The following KDM4C variants were observed in gnomAD, a reference collection of about 807,000 sequenced individuals.
The protein encoded by KDM4C is lysine demethylase 4C.
Under a neutral mutation model 129.3 loss-of-function variants are expected in KDM4C, and 81 were observed. The observed-to-expected ratio is 0.63, with a 90% CI of 0.52 to 0.75. The LOEUF (loss-of-function observed/expected upper bound fraction) is 0.75. Among genes scored for constraint, KDM4C ranks in the 30% least tolerant of loss-of-function variants. KDM4C has a pLI of 0.00. For missense variants in KDM4C, 1,457 were observed against 1,304.0 expected, an observed-to-expected ratio of 1.12 and a Z score of -1.81; for synonymous variants, 573 against 456.1, an observed-to-expected ratio of 1.26 and a Z score of -3.26.
chr9:6,921,838 T>C (rs1821576498), intron 8 of KDM4C, among the ~76,000 whole-genome samples: 1 of 151,950 alleles, frequency 6.6e-6, no homozygotes, highest in African/African-American at 2.4e-5. Flanking sequence ...CCTTGCCCAC[T>C]CTGTACCAAC....
intron 17 of KDM4C, among the ~76,000 whole-genome samples, chr9:7,064,660 A>C (rs1440000395): frequency 6.6e-6 from 1 of 152,174 alleles, no homozygotes; most frequent in Non-Finnish European, 1.5e-5. Context: ...GGAAGTATAT[A>C]TTGGACTTTC....
chr9:6,799,676 A>G (rs1828556070), intron 2 of KDM4C, among the ~76,000 whole-genome samples: 5 of 148,046 alleles, frequency 3.4e-5, no homozygotes, highest in Admixed American at 3.4e-4. Flanking sequence ...ACAGAAAAAC[A>G]TTTAATTCTA....
chr9:6,899,929 G>A (rs913610480), intron 8 of KDM4C, among the ~76,000 whole-genome samples: 2 of 152,154 alleles, frequency 1.3e-5, no homozygotes, highest in Non-Finnish European at 2.9e-5. Flanking sequence ...TGAGTCTATA[G>A]TTTGTCAGTA....
chr9:6,800,516 G>C (rs940053588), intron 2 of KDM4C, among the ~76,000 whole-genome samples: 7 of 152,026 alleles, frequency 4.6e-5, no homozygotes, highest in Admixed American at 4.6e-4. Context: ...TCAAGCCTGG[G>C]CAACAGAGTC....
intron 1 of KDM4C, among the ~76,000 whole-genome samples, chr9:6,746,685 G>T (rs537437678): frequency 6.8e-6 from 1 of 148,120 alleles, no homozygotes; most frequent in South Asian, 2.1e-4. Context: ...TTCCAGACTA[G>T]CCTGGGCAAC....
chr9:7,079,712 A>G (rs1287389829), intron 17 of KDM4C, among the ~76,000 whole-genome samples: 4 of 152,200 alleles, frequency 2.6e-5, no homozygotes, highest in South Asian at 2.1e-4. Flanking sequence ...CTGTGATTCT[A>G]TGTGTTTTGT....
chr9:7,118,156 GT>G (rs1191923989), intron 18 of KDM4C, among the ~76,000 whole-genome samples: 2 of 152,202 alleles, frequency 1.3e-5, no homozygotes, highest in African/African-American at 4.8e-5. Flanking sequence ...GCAGCCTGTT[GT>G]TTGTGCTTCT....
intron 8 of KDM4C, among the ~76,000 whole-genome samples, chr9:6,961,989 C>A (rs1174270939): frequency 6.6e-6 from 1 of 152,128 alleles, no homozygotes; most frequent in Non-Finnish European, 1.5e-5. Flanking sequence ...AAATCAGCTA[C>A]TGGGTCGGTT....
At chr9:6,908,064 T>C (rs1054048663) in intron 8 of KDM4C, among the ~76,000 whole-genome samples, 1 of 152,184 alleles carries the variant, frequency 6.6e-6, no homozygotes, top group African/African-American at 2.4e-5. Context: ...TTAGAAGATA[T>C]TTATTGGTTA....
intron 4 of KDM4C, among the ~76,000 whole-genome samples, chr9:6,847,645 C>T (rs1268457188): frequency 6.6e-6 from 1 of 152,194 alleles, no homozygotes; most frequent in Non-Finnish European, 1.5e-5. Context: ...CCGCCTCGGC[C>T]TCCCAAAGTG....
At chr9:6,741,183 G>A (rs1447198845) in intron 1 of KDM4C, among the ~76,000 whole-genome samples, 4 of 151,820 alleles carry the variant, frequency 2.6e-5, no homozygotes, top group African/African-American at 9.7e-5. Flanking sequence ...AGATCATGAG[G>A]TCAGGAGAAT....
At chr9:6,799,157 C>T (rs559199398) in intron 2 of KDM4C, among the ~76,000 whole-genome samples, 3 of 152,046 alleles carry the variant, frequency 2.0e-5, no homozygotes, top group African/African-American at 7.2e-5. Context: ...ACTTCCCAGA[C>T]GGGGTGGCGG....
At chr9:6,740,248 G>T (rs572846244) in intron 1 of KDM4C, among the ~76,000 whole-genome samples, 308 of 151,998 alleles carry the variant, frequency 2.0e-3, no homozygotes, top group African/African-American at 7.1e-3. Flanking sequence ...CTGTTGCCCA[G>T]GCTGGAGTGC....
At chr9:6,924,630 A>G (rs952978887) in intron 8 of KDM4C, 1 of 428,592 alleles carries the variant, frequency 2.3e-6, no homozygotes, top group Non-Finnish European at 3.1e-6. Context: ...TCAGTCCCTT[A>G]ATTAGATCTT....
At chr9:6,879,972 A>G in intron 5 of KDM4C, 40 bp from the exon 6 acceptor site, 1 of 1,183,968 alleles carries the variant, frequency 8.4e-7, no homozygotes. Flanking sequence ...TAGCTGAAAA[A>G]TTATAAACCT....
At chr9:6,894,018 C>T (rs10975877) in intron 8 of KDM4C, among the ~76,000 whole-genome samples, 42,716 of 151,992 alleles carry the variant, frequency 0.28, 6,326 homozygotes, top group Middle Eastern at 0.42. Context: ...GTAAAGTTGA[C>T]GTAGATTTAG....
chr9:7,019,744 A>T (rs10975980), intron 15 of KDM4C, among the ~76,000 whole-genome samples: 1,895 of 89,530 alleles, frequency 0.021, 50 homozygotes, highest in African/African-American at 0.062. Context: ...ATAAAAATAT[A>T]ATATTTTTAT....
chr9:6,983,215 A>C (rs1352879722), intron 9 of KDM4C, among the ~76,000 whole-genome samples: 1 of 152,138 alleles, frequency 6.6e-6, no homozygotes, highest in Admixed American at 6.6e-5. Flanking sequence ...GACTTCCTAC[A>C]GTGCTTAGTC....
intron 1 of KDM4C, among the ~76,000 whole-genome samples, chr9:6,739,363 G>A (rs778769953): frequency 7.9e-5 from 12 of 151,846 alleles, no homozygotes; most frequent in Non-Finnish European, 1.5e-4. Context: ...GTGAGCCACC[G>A]TGCCTAGCCA....
Sources: gnomAD v4.1 joint callset for allele counts (sites outside exome capture counted in the v4.1 genomes callset) on GRCh38, gnomAD v4.1.1 for gene constraint, MANE v1.5 for transcripts, NCBI Gene and HGNC (gene_info 2026-07-23, HGNC 2026-07-21) for gene names.